Variants in RBPJ observed in about 807,000 individuals in gnomAD.
The protein encoded by RBPJ is recombination signal binding protein for immunoglobulin kappa J region.
RBPJ carries 9 observed loss-of-function variants against 67.8 expected under a neutral mutation model. The ratio of observed to expected loss-of-function variants is 0.13; its 90% CI spans 0.08 to 0.23. The LOEUF (loss-of-function observed/expected upper bound fraction) is 0.23, where lower values mean the gene tolerates loss of function less well. Ranked by LOEUF, RBPJ falls within the 10% of genes least tolerant of loss-of-function variation. RBPJ has a pLI of 1.00. For missense variants in RBPJ, 305 were observed against 595.6 expected (o/e 0.51, Z 5.08); for synonymous variants, 198 against 203.3 (o/e 0.97, Z 0.22).
At chr4:26,435,000 C>A (rs1190145774), downstream of RBPJ, 1 of 152,130 alleles carries the variant, frequency 6.6e-6, no homozygotes, top group East Asian at 1.9e-4. Flanking sequence ...AAATTAAATT[C>A]TATATTATAG....
intron 1 of RBPJ, among the ~76,000 whole-genome samples, chr4:26,375,186 C>G (rs1729579948): frequency 6.6e-6 from 1 of 151,330 alleles, no homozygotes; most frequent in Non-Finnish European, 1.5e-5. Context: ...CACCTGTGGT[C>G]CTAGCTACTG....
At chr4:26,190,213 A>C (rs768729786) in intron 1 of RBPJ, among the ~76,000 whole-genome samples, 14 of 152,204 alleles carry the variant, frequency 9.2e-5, no homozygotes, top group Non-Finnish European at 2.1e-4. Flanking sequence ...GAGAGCAGCA[A>C]ATCTTTTGAG....
intron 1 of RBPJ, among the ~76,000 whole-genome samples, chr4:26,352,229 T>A (rs1726883196): frequency 6.6e-6 from 1 of 152,180 alleles, no homozygotes; most frequent in African/African-American, 2.4e-5. Flanking sequence ...AGTCCAAGAC[T>A]AAGGTGCCAG....
intron 1 of RBPJ, among the ~76,000 whole-genome samples, chr4:26,198,528 G>A (rs1421473873): frequency 6.6e-6 from 1 of 152,136 alleles, no homozygotes; most frequent in Non-Finnish European, 1.5e-5. Context: ...TAATAATAAT[G>A]ATAACAGGTA....
At chr4:26,142,855 C>T in the RBPJ span, among the ~76,000 whole-genome samples, 1 of 152,210 alleles carries the variant, frequency 6.6e-6, no homozygotes, top group Non-Finnish European at 1.5e-5. Flanking sequence ...AATCTCAGCT[C>T]ACTGCAACCT....
chr4:26,281,785 G>A (rs765288839), intron 1 of RBPJ, among the ~76,000 whole-genome samples: 2 of 152,202 alleles, frequency 1.3e-5, no homozygotes, highest in African/African-American at 2.4e-5. Context: ...CATTTACAAT[G>A]AGCTACACGT....
chr4:26,413,980 T>C (rs1250779311), intron 3 of RBPJ, among the ~76,000 whole-genome samples: 1 of 151,954 alleles, frequency 6.6e-6, no homozygotes, highest in East Asian at 1.9e-4. Flanking sequence ...GCCACGTGAG[T>C]GTGAGTGGGT....
At chr4:26,382,793 G>A (rs1302953045) in intron 1 of RBPJ, among the ~76,000 whole-genome samples, 2 of 152,138 alleles carry the variant, frequency 1.3e-5, no homozygotes, top group Non-Finnish European at 2.9e-5. Flanking sequence ...CACCCACCTT[G>A]GCCTCCCAAA....
At chr4:26,330,044 C>T (rs529694740) in intron 1 of RBPJ, among the ~76,000 whole-genome samples, 9 of 152,140 alleles carry the variant, frequency 5.9e-5, no homozygotes, top group Non-Finnish European at 1.2e-4. Flanking sequence ...TAGGAAAAAA[C>T]CTGAAATTAA....
intron 1 of RBPJ, among the ~76,000 whole-genome samples, chr4:26,274,203 C>T (rs1393291979): frequency 6.6e-6 from 1 of 152,210 alleles, no homozygotes; most frequent in African/African-American, 2.4e-5. Context: ...CACCCACACC[C>T]TGCATCCCGA....
Position 26,430,875 on chromosome 4 carries a change from A to G in RBPJ, c.1332A>G (p.Ala444=), listed in dbSNP as rs150367056. ...EPGPRPHCSA[A]GAILRANSSQ... The stretch of plus-strand genomic sequence containing the variant: ...GGCCGCGGCCACATTGCAGTGCAGC[A>G]GGAGCAATCCTTCGAGCCAATTCAA... The change falls in exon 11 of 11, where the codon GCA becomes GCG. Residue 444 remains alanine (A), a synonymous_variant. Transcript: ENST00000355476. The surrounding 1 kb of genome is among the most constrained non-coding windows in gnomAD (Gnocchi z 4.1). 1,387 of 1,614,114 alleles carry G rather than the reference A, an allele frequency of 8.6e-4. 11 individuals are homozygous for G. The Middle Eastern group carries it at 0.019, about 22-fold the overall frequency.
chr4:26,301,244 TG>T (rs1560251831), intron 1 of RBPJ, among the ~76,000 whole-genome samples: 1 of 152,206 alleles, frequency 6.6e-6, no homozygotes, highest in East Asian at 1.9e-4. Flanking sequence ...CCCATCCTCC[TG>T]CACCACGTGG....
the RBPJ span, among the ~76,000 whole-genome samples, chr4:26,154,051 T>C: frequency 6.6e-6 from 1 of 152,220 alleles, no homozygotes; most frequent in African/African-American, 2.4e-5. Flanking sequence ...CCATTCATTG[T>C]TAACTCCTTC....
At chr4:26,255,351 C>T (rs1720280597) in intron 1 of RBPJ, among the ~76,000 whole-genome samples, 1 of 111,620 alleles carries the variant, frequency 9.0e-6, no homozygotes, top group Admixed American at 9.4e-5. Flanking sequence ...TTGCAGTGAG[C>T]CGAGATCGCG....
chr4:26,431,055 G>C lies in RBPJ; in HGVS notation c.*48G>C. On this transcript the variant is annotated 3_prime_UTR_variant, in exon 11 of 11. Transcript: ENST00000355476. ...TAAACTGACTTGAGTGTGGCAAAAAGTTAACAAAAAAGGAGAAAAAATGAA... is the reference window on the plus strand; with the variant it reads ...TAAACTGACTTGAGTGTGGCAAAAACTTAACAAAAAAGGAGAAAAAATGAA... 6.5e-7 allele frequency: 1 copy of C among 1,529,252 alleles called. No individual in the cohort carries two copies. Among genetic ancestry groups the C allele is most frequent in the Non-Finnish European group, 8.9e-7 (1 of 1,117,338 alleles). 94.7% of individuals were successfully genotyped at this position (1,529,252 alleles called of 1,614,324 possible). A position where few individuals can be genotyped will look rare whatever the true frequency, so the allele number is the denominator to read the frequency against.
upstream of RBPJ, among the ~76,000 whole-genome samples, chr4:26,316,232 C>G (rs1357272396): frequency 2.0e-5 from 3 of 150,028 alleles, no homozygotes; most frequent in Non-Finnish European, 4.4e-5. Flanking sequence ...TTCAGGGTCC[C>G]TGACTTCCCG....
intron 1 of RBPJ, among the ~76,000 whole-genome samples, chr4:26,306,933 T>A (rs1722257605): frequency 6.6e-6 from 1 of 152,062 alleles, no homozygotes; most frequent in Non-Finnish European, 1.5e-5. Flanking sequence ...TCTCATCATT[T>A]TATACTTTCG....
chr4:26,107,556 A>AT, the RBPJ span, among the ~76,000 whole-genome samples: 2 of 152,252 alleles, frequency 1.3e-5, no homozygotes, highest in African/African-American at 4.8e-5. Flanking sequence ...GCAGCACTGA[A>AT]TGTGAGTCTC....
intron 1 of RBPJ, among the ~76,000 whole-genome samples, chr4:26,253,836 T>C (rs1720201773): frequency 1.3e-5 from 2 of 148,886 alleles, no homozygotes; most frequent in Admixed American, 6.6e-5. Context: ...TTTCTTGTGA[T>C]AAATTATTTT....
Sources: gnomAD v4.1 joint callset for allele counts (sites outside exome capture counted in the v4.1 genomes callset) on GRCh38, gnomAD v4.1.1 for gene constraint, Gnocchi (gnomAD v3.1) non-coding constraint, MANE v1.5 for transcripts, NCBI Gene and HGNC (gene_info 2026-07-23, HGNC 2026-07-21) for gene names.